NMD3: variants seen among roughly 807,000 people sequenced by gnomAD.
NMD3 encodes NMD3 ribosome export adaptor, also known as 60S ribosomal export protein NMD3.
A neutral mutation model predicts 73.1 loss-of-function variants in NMD3; 47 were observed. The ratio of observed to expected loss-of-function variants is 0.64; its 90% CI spans 0.51 to 0.82. The LOEUF (loss-of-function observed/expected upper bound fraction) is 0.82. NMD3 is among the 40% of genes least tolerant of loss of function. The pLI, the probability that NMD3 is intolerant of heterozygous loss-of-function variation, is 0.00. For synonymous variants in NMD3, 210 were observed against 194.5 expected, an observed-to-expected ratio of 1.08 and a Z score of -0.66; for missense variants, 554 against 612.5, an observed-to-expected ratio of 0.90 and a Z score of 1.01.
chr3:161,225,637 TACATC>T (rs1237694690), intron 3 of NMD3, among the ~76,000 whole-genome samples: 1 of 152,180 alleles, frequency 6.6e-6, no homozygotes, highest in Non-Finnish European at 1.5e-5. Flanking sequence ...ATAAACAACT[TACATC>T]TATTAGGCCA....
chr3:161,251,117 T>C lies in NMD3; in HGVS notation c.*207T>C. 2 of 395,474 alleles carry C rather than the reference T, an allele frequency of 5.1e-6. No homozygotes were observed. The highest frequency in any genetic ancestry group is 9.1e-6 in the Non-Finnish European group (2 of 219,104). The allele number at this position is 395,474 out of a possible 1,614,324, so 24.5% of individuals were successfully genotyped here. ...AGATAAGGAAAGATTATGGAGAATGTAGTTGTTATTGATTTTTGGCAATTT... is the reference window on the plus strand; with the variant it reads ...AGATAAGGAAAGATTATGGAGAATGCAGTTGTTATTGATTTTTGGCAATTT... On this transcript the variant is annotated 3_prime_UTR_variant, in exon 16 of 16. Coordinates refer to ENST00000351193, the MANE Select transcript of NMD3 (RefSeq NM_015938.5).
chr3:161,244,639 CT>C (rs11336851), intron 11 of NMD3, among the ~76,000 whole-genome samples: 58,703 of 128,460 alleles, frequency 0.46, 13,536 homozygotes, highest in Non-Finnish European at 0.54. Flanking sequence ...ATTTCTTTTC[CT>C]TTTTTTTTTT....
In NMD3 at chr3:161,231,968, TAAAG is replaced by T. The variant is rs140942316; in HGVS notation, c.277-1422_277-1419del. On this transcript the variant is annotated intron_variant, in intron 4 of 15. Coordinates refer to ENST00000351193, the MANE Select transcript of NMD3 (RefSeq NM_015938.5). ...GTGACTGAGGTGTCTGGGACTATGG[TAAAG>T]AAAGAAAGGGACTAATAAAGTTGAT... Among the ~76,000 whole-genome samples the T allele has an allele frequency of 7.2e-3, 1,101 of 151,904 alleles. 13 individuals are homozygous for T. Among genetic ancestry groups the T allele is most frequent in the African/African-American group, 0.025 (1,046 of 41,388 alleles).
At chr3:161,235,067 A>G in intron 6 of NMD3, 55 bp from the exon 7 acceptor site, 1 of 950,344 alleles carries the variant, frequency 1.1e-6, no homozygotes, top group South Asian at 1.6e-5. Context: ...TGTGTCCTAT[A>G]CCTATAAATG....
chr3:161,224,118 A>T (rs1163535143), intron 2 of NMD3, among the ~76,000 whole-genome samples: 8 of 152,220 alleles, frequency 5.3e-5, no homozygotes, highest in Non-Finnish European at 1.0e-4. Flanking sequence ...ATTCTTCATC[A>T]ATATACCTCC....
intron 12 of NMD3, among the ~76,000 whole-genome samples, chr3:161,246,778 C>G (rs1737225648): frequency 6.6e-6 from 1 of 152,120 alleles, no homozygotes; most frequent in South Asian, 2.1e-4. Context: ...TCAGATAACT[C>G]ACTTTTAAGA....
At chr3:161,241,461 C>A (rs1736982768) in intron 10 of NMD3, among the ~76,000 whole-genome samples, 1 of 140,428 alleles carries the variant, frequency 7.1e-6, no homozygotes, top group African/African-American at 2.6e-5. Flanking sequence ...GGCTCTATTG[C>A]CCAGGCTGGT....
At chr3:161,234,495 G>A (rs1736666677) in intron 5 of NMD3, among the ~76,000 whole-genome samples, 1 of 151,110 alleles carries the variant, frequency 6.6e-6, no homozygotes, top group African/African-American at 2.4e-5. Context: ...AACCACTTCA[G>A]CTAAAGGAAA....
chr3:161,249,525 A>G lies in NMD3; in HGVS notation c.1275A>G (p.Ala425=), dbSNP rs1560076320. 5 of 1,612,510 alleles carry G rather than the reference A, an allele frequency of 3.1e-6. No individual in the cohort carries two copies. In the South Asian group the frequency reaches 5.5e-5, roughly 18 times the overall value. Residue 425 remains alanine, a synonymous_variant, in exon 14 of 16, where the codon GCA becomes GCG. Transcript: ENST00000351193. ...RRRNWKLKEL[A]RERENMDTDD... ...GAAACTGGAAATTGAAAGAGCTTGC[A>G]AGAGAGAGAGAAAACATGGATACAG...
intron 7 of NMD3, 86 bp from the exon 8 acceptor site, chr3:161,238,027 G>C (rs1205741712): frequency 3.5e-6 from 3 of 867,510 alleles, no homozygotes; most frequent in South Asian, 3.3e-5. Context: ...GTTTAAAACA[G>C]ATGTAATTTA....
At chr3:161,236,647 A>G (rs1736767183) in intron 7 of NMD3, among the ~76,000 whole-genome samples, 1 of 152,164 alleles carries the variant, frequency 6.6e-6, no homozygotes. Flanking sequence ...TTGTCTAATC[A>G]AGGTCACAAA....
At chr3:161,229,956 T>C (rs1242812615) in intron 4 of NMD3, among the ~76,000 whole-genome samples, 5 of 151,778 alleles carry the variant, frequency 3.3e-5, no homozygotes, top group African/African-American at 1.2e-4. Context: ...TTCTGTTTAG[T>C]GGTGGTGGTA....
At chr3:161,239,926 G>A (rs953653529) in intron 9 of NMD3, among the ~76,000 whole-genome samples, 3 of 152,144 alleles carry the variant, frequency 2.0e-5, no homozygotes, top group African/African-American at 4.8e-5. Context: ...CAGATGGTGG[G>A]TCAGATTTGT....
In NMD3 at chr3:161,237,334, A is replaced by G. The variant is rs561934635; in HGVS notation, c.578-779A>G. Among the ~76,000 whole-genome samples the G allele has an allele frequency of 2.0e-5, 3 of 152,136 alleles. No homozygotes were observed. In the East Asian group the frequency reaches 5.8e-4, roughly 29 times the overall value. ...CTCGACCTTGATAGTTGGTTATTCAAGTTCTGTGAATTGTTACTATTTTTT... is the reference window on the plus strand; with the variant it reads ...CTCGACCTTGATAGTTGGTTATTCAGGTTCTGTGAATTGTTACTATTTTTT... On this transcript the variant is annotated intron_variant, in intron 7 of 15. Coordinates refer to ENST00000351193, the MANE Select transcript of NMD3 (RefSeq NM_015938.5).
At position 161,224,950 on chromosome 3, in the gene NMD3, T is replaced by C. The variant is rs1342384042; in HGVS notation, c.65T>C (p.Val22Ala). 3 of 1,613,234 alleles carry C rather than the reference T, an allele frequency of 1.9e-6. No homozygotes were observed. The highest frequency in any genetic ancestry group is 1.1e-5 in the South Asian group (1 of 90,900). Residue 22 changes from valine (V) to alanine (A), a missense_variant, in exon 3 of 16, where the codon GTT (valine) becomes GCT (alanine). Physicochemically the swap from Val to Ala is moderately conservative, Grantham distance 64. Transcript: ENST00000351193. ...PGHILCCECG[V>A]PISPNPANIC... is the part of the protein sequence containing the mutation. ...TAAAGCTTGTGCTGTGAGTGTGGTGTTCCGATAAGTCCAAATCCTGCCAAT... is the reference window on the plus strand; with the variant it reads ...TAAAGCTTGTGCTGTGAGTGTGGTGCTCCGATAAGTCCAAATCCTGCCAAT...
At chr3:161,252,374 AT>A (rs1207013913), downstream of NMD3, 1 of 152,650 alleles carries the variant, frequency 6.6e-6, no homozygotes, top group African/African-American at 2.4e-5. Context: ...AGAATTGTTA[AT>A]GTTATTTAAG....
chr3:161,250,342 G>A lies in NMD3; in HGVS notation c.1381+16G>A. On this transcript the variant is annotated intron_variant, in intron 15 of 15. Transcript: ENST00000351193. ...ATTTACAGAGGTTGGTGTTCTAGGA[G>A]TGTTTAAGTCATTTGTTCTGTATAT... The A allele has an allele frequency of 2.6e-6, 4 of 1,516,058 alleles. No individual in the cohort carries two copies. Among genetic ancestry groups the A allele is most frequent in the Non-Finnish European group, 3.7e-6 (4 of 1,093,614 alleles). 93.9% of individuals were successfully genotyped at this position (1,516,058 alleles called of 1,614,324 possible).
chr3:161,234,815 C>T lies in NMD3; in HGVS notation c.446C>T (p.Ala149Val), dbSNP rs751244269. 1.7e-5 allele frequency: 27 copies of T among 1,613,166 alleles called. No individual in the cohort carries two copies. The highest frequency in any genetic ancestry group is 5.1e-6 in the Non-Finnish European group (6 of 1,179,554). Residue 149 changes from alanine to valine, a missense_variant, in exon 6 of 16, where the codon GCT becomes GTT. Ala to Val is a moderately conservative substitution (Grantham distance 64, BLOSUM62 0). Coordinates refer to ENST00000351193, the MANE Select transcript of NMD3 (RefSeq NM_015938.5). ...TGTGGAGATTGCCATAGAGTAGAAG[C>T]TAAGGATTTCTGGAAGGCTGTGATT... The part of the protein sequence containing the change: ...QMCGDCHRVE[A>V]KDFWKAVIQV...
At chr3:161,231,233 A>C (rs1235650811) in intron 4 of NMD3, among the ~76,000 whole-genome samples, 1 of 152,240 alleles carries the variant, frequency 6.6e-6, no homozygotes, top group Non-Finnish European at 1.5e-5. Context: ...ATTGTCCATT[A>C]TATTAGCTTG....
Sources: allele counts gnomAD v4.1 joint callset (sites outside exome capture counted in the v4.1 genomes callset), GRCh38; gene constraint gnomAD v4.1.1; transcripts MANE v1.5; gene names NCBI Gene and HGNC (gene_info 2026-07-23, HGNC 2026-07-21).